Variants in ZNF425 observed in about 807,000 individuals in gnomAD.
The protein encoded by ZNF425 is zinc finger protein 425.
Under a neutral mutation model 17.0 loss-of-function variants are expected in ZNF425, and 21 were observed. The observed-to-expected ratio is 1.23, with a 90% CI of 0.88 to 1.78. The LOEUF (loss-of-function observed/expected upper bound fraction) is 1.78. Among genes scored for constraint, ZNF425 ranks in the 40% most tolerant of loss-of-function variants. The pLI, the probability that ZNF425 is intolerant of heterozygous loss-of-function variation, is 0.00. For missense variants in ZNF425, 868 were observed against 967.3 expected (o/e 0.90, Z 1.36); for synonymous variants, 433 against 384.1 (o/e 1.13, Z -1.49).
chr7:149,115,682 T>C, intron 2 of ZNF425, among the ~76,000 whole-genome samples: 1 of 136,834 alleles, frequency 7.3e-6, no homozygotes, highest in Non-Finnish European at 1.5e-5. Context: ...AGAGCGAGAC[T>C]CCGTCAAAAA....
At chr7:149,118,404 C>T in intron 1 of ZNF425, 56 bp from the exon 2 acceptor site, 13 of 1,588,488 alleles carry the variant, frequency 8.2e-6, no homozygotes, top group Non-Finnish European at 1.1e-5. Flanking sequence ...CTTTGTTTTT[C>T]AATGTCCATT....
At chr7:149,124,756 G>A (rs924766796) in intron 1 of ZNF425, among the ~76,000 whole-genome samples, 2 of 150,626 alleles carry the variant, frequency 1.3e-5, no homozygotes, top group African/African-American at 4.9e-5. Flanking sequence ...GGTCAGGCTG[G>A]TCTCGAACTC....
At position 149,104,193 on chromosome 7, in the gene ZNF425, C is replaced by A. The variant is rs267601397; in HGVS notation, c.1678G>T (p.Asp560Tyr). The A allele has an allele frequency of 6.8e-5, 109 of 1,612,742 alleles. No individual in the cohort carries two copies. The highest frequency in any genetic ancestry group is 8.8e-5 in the Non-Finnish European group (104 of 1,179,392). ...GAGGCCTTCCAGGAGAAGCTCTTGT[C>A]GCACTCGGGACACTGGAAGGGCTCC... ...GEEPFQCPEC[D>Y]KSFSWKASMK... The change falls in exon 4 of 4, where the codon GAC (aspartate) becomes TAC (tyrosine). Residue 560 changes from aspartate (D) to tyrosine (Y), a missense_variant. Transcript: ENST00000378061. The surrounding 1 kb of genome is among the most constrained non-coding windows in gnomAD (Gnocchi z 4.3).
chr7:149,111,626 A>G (rs1369932768), intron 3 of ZNF425, among the ~76,000 whole-genome samples: 1 of 140,466 alleles, frequency 7.1e-6, no homozygotes, highest in Admixed American at 7.1e-5. Flanking sequence ...AAAAAATTAT[A>G]TATCTATATA....
intron 2 of ZNF425, among the ~76,000 whole-genome samples, chr7:149,114,239 TTTTTTG>T (rs57384281): frequency 0.53 from 76,960 of 144,206 alleles, 23,282 homozygotes; most frequent in East Asian, 0.88. Context: ...TTTTTTTTTT[TTTTTTG>T]GTATTTTTAG....
In ZNF425 at chr7:149,104,460, G is replaced by C; in HGVS notation, c.1411C>G (p.Pro471Ala). The C allele has an allele frequency of 6.2e-7, 1 of 1,600,476 alleles. No individual in the cohort carries two copies. The highest frequency in any genetic ancestry group is 8.5e-7 in the Non-Finnish European group (1 of 1,174,394). ...QRLHSEQKPFPCAECGKRFTR... is the reference protein window; with the variant it reads ...QRLHSEQKPFACAECGKRFTR... Reference sequence around the variant, plus strand: ...AAGCGCTTGCCGCACTCGGCGCAGGGGAAGGGCTTTTGCTCGCTGTGCAGG... The same window carrying C: ...AAGCGCTTGCCGCACTCGGCGCAGGCGAAGGGCTTTTGCTCGCTGTGCAGG... Residue 471 changes from proline to alanine, a missense_variant, in exon 4 of 4, where the codon CCC (proline) becomes GCC (alanine). By Grantham distance (27) the Pro-to-Ala change is conservative (BLOSUM62 -1). Coordinates refer to ENST00000378061, the MANE Select transcript of ZNF425 (RefSeq NM_001001661.3). The surrounding 1 kb of genome is among the most constrained non-coding windows in gnomAD (Gnocchi z 4.3).
chr7:149,104,158 G>A lies in ZNF425; in HGVS notation c.1713C>T (p.Phe571=). 6.2e-7 allele frequency: 1 copy of A among 1,613,374 alleles called. No individual in the cohort carries two copies. Among genetic ancestry groups the A allele is most frequent in the East Asian group, 2.2e-5 (1 of 44,838 alleles). ...TCTCGTCCCTGTGCATCCGCTGGTG[G>A]AACTTCATGGAGGCCTTCCAGGAGA... ...KSFSWKASMK[F]HQRMHRDEKP... The change falls in exon 4 of 4, where the codon TTC becomes TTT. Residue 571 remains phenylalanine (F), a synonymous_variant. Transcript: ENST00000378061. This position sits in a 1 kb window ranked among gnomAD's most constrained non-coding sequence, Gnocchi z 4.3.
At chr7:149,112,573 T>C (rs58847964) in intron 2 of ZNF425, among the ~76,000 whole-genome samples, 6,830 of 152,250 alleles carry the variant, frequency 0.045, 521 homozygotes, top group African/African-American at 0.15. Flanking sequence ...ATGGAGGTTA[T>C]AGTGAGTAGA....
chr7:149,118,683 C>T, intron 1 of ZNF425: 1 of 409,572 alleles, frequency 2.4e-6, no homozygotes, highest in Non-Finnish European at 4.9e-6. Flanking sequence ...GGCGTGATGG[C>T]ACATTCCTGT....
rs1826467085 is a variant in ZNF425, at chr7:149,126,209, G to C, written c.5C>G (p.Ala2Gly). 12 of 1,612,156 alleles carry C rather than the reference G, an allele frequency of 7.4e-6. No individual in the cohort carries two copies. The highest frequency in any genetic ancestry group is 1.0e-5 in the Non-Finnish European group (12 of 1,179,412). Residue 2 changes from alanine to glycine, a missense_variant, in exon 1 of 4, where the codon GCC becomes GGC. By Grantham distance (60) the Ala-to-Gly change is moderately conservative. Transcript: ENST00000378061. ...GGCCCTTCTTACCGAAGCCGGCTCG[G>C]CCATGGCGGTTCCGCACGAACCGGC... M[A>G]EPASVTVTFD...
intron 1 of ZNF425, among the ~76,000 whole-genome samples, chr7:149,123,480 C>G (rs1826393739): frequency 1.3e-5 from 2 of 152,182 alleles, no homozygotes; most frequent in African/African-American, 4.8e-5. Flanking sequence ...ATCATAAGCC[C>G]TGAAAGCTTA....
At position 149,105,210 on chromosome 7, in the gene ZNF425, G is replaced by A. The variant is rs1400486157; in HGVS notation, c.661C>T (p.Pro221Ser). The A allele has an allele frequency of 1.2e-6, 2 of 1,614,152 alleles. No homozygotes were observed. Among genetic ancestry groups the A allele is most frequent in the Non-Finnish European group, 8.5e-7 (1 of 1,180,034 alleles). ...SHSKSQLCRYPKYKNSSRGKS... is the reference protein window; with the variant it reads ...SHSKSQLCRYSKYKNSSRGKS... ...CCTCTGGACGAGTTTTTGTACTTTG[G>A]GTATCTGCAGAGCTGGCTCTTGGAG... is the stretch of plus-strand genomic sequence containing the variant. The change falls in exon 4 of 4, where the codon CCA becomes TCA. Residue 221 changes from proline to serine, a missense_variant. Pro to Ser is a moderately conservative substitution (Grantham distance 74). Transcript: ENST00000378061.
intron 3 of ZNF425, among the ~76,000 whole-genome samples, chr7:149,109,962 C>T (rs1383639867): frequency 2.0e-5 from 3 of 151,366 alleles, no homozygotes; most frequent in Non-Finnish European, 2.9e-5. Flanking sequence ...CTGCAACCTC[C>T]GCCTCCAGGG....
chr7:149,119,111 ATTTT>A (rs35943015), intron 1 of ZNF425, among the ~76,000 whole-genome samples: 2 of 130,132 alleles, frequency 1.5e-5, no homozygotes. Context: ...ACCAGCCTAG[ATTTT>A]TTTTTTTTTT....
chr7:149,112,310 C>A lies in ZNF425; in HGVS notation c.146-15G>T. ...AAAAGCATACCCTGCAAATAGAGTC[C>A]ACACAGACTTTGAGTTTACTGCATA... On this transcript the variant is annotated splice_polypyrimidine_tract_variant and intron_variant, in intron 2 of 3. Coordinates refer to ENST00000378061, the MANE Select transcript of ZNF425 (RefSeq NM_001001661.3). 1.2e-6 allele frequency: 2 copies of A among 1,609,958 alleles called. No individual in the cohort carries two copies. The highest frequency in any genetic ancestry group is 8.5e-7 in the Non-Finnish European group (1 of 1,178,050).
rs527719151 is a variant in ZNF425, at chr7:149,115,639, G to A, written c.145+2583C>T. 7.3e-5 allele frequency among the ~76,000 whole-genome samples: 11 copies of A among 150,588 alleles called. No individual in the cohort carries two copies. The East Asian group carries it at 7.9e-4, about 11-fold the overall frequency. The stretch of plus-strand genomic sequence containing the variant: ...TGGGAGACAGAGGTTGTAGTGAGCC[G>A]AGATCGTGCCATTGCACTCCAGCCT... On this transcript the variant is annotated intron_variant, in intron 2 of 3. Transcript: ENST00000378061.
chr7:149,120,355 C>A (rs1826330888), intron 1 of ZNF425, among the ~76,000 whole-genome samples: 1 of 152,150 alleles, frequency 6.6e-6, no homozygotes, highest in Non-Finnish European at 1.5e-5. Flanking sequence ...GCACTCCAGC[C>A]TGGGCGACAG....
chr7:149,115,764 T>C (rs904344401), intron 2 of ZNF425, among the ~76,000 whole-genome samples: 4 of 151,422 alleles, frequency 2.6e-5, no homozygotes, highest in Admixed American at 2.6e-4. Context: ...AGCCTCTTCC[T>C]CTGAGCCTTT....
intron 2 of ZNF425, among the ~76,000 whole-genome samples, chr7:149,113,952 C>T (rs1826213544): frequency 1.4e-5 from 2 of 146,026 alleles, no homozygotes; most frequent in East Asian, 2.2e-4. Context: ...GAGTTTGAGG[C>T]TGCAGTGAGC....
Sources: gnomAD v4.1 joint callset for allele counts (sites outside exome capture counted in the v4.1 genomes callset) on GRCh38, gnomAD v4.1.1 for gene constraint, Gnocchi (gnomAD v3.1) non-coding constraint, MANE v1.5 for transcripts, NCBI Gene and HGNC (gene_info 2026-07-23, HGNC 2026-07-21) for gene names.